The following CHRM3 variants were observed in gnomAD, a reference collection of about 807,000 sequenced individuals.
CHRM3 encodes muscarinic acetylcholine receptor M3.
In CHRM3, 11 loss-of-function variants were observed where a neutral mutation model predicts 41.8. That is an observed-to-expected ratio of 0.26 (90% CI 0.17 to 0.44). The LOEUF is 0.44. Ranked by LOEUF, CHRM3 falls within the 20% of genes least tolerant of loss-of-function variation. The probability of loss-of-function intolerance (pLI) is 1.00; values close to 1 mark genes in which losing one functional copy is unlikely to be tolerated. For synonymous variants in CHRM3, 297 were observed against 301.4 expected, an observed-to-expected ratio of 0.99 and a Z score of 0.15; for missense variants, 571 against 745.4, an observed-to-expected ratio of 0.77 and a Z score of 2.72.
chr1:239,447,239 C>T (rs193092675), intron 1 of CHRM3, among the ~76,000 whole-genome samples: 1 of 151,466 alleles, frequency 6.6e-6, no homozygotes, highest in Non-Finnish European at 1.5e-5. Context: ...TTAGAGATAA[C>T]AAAACAGGGG....
intron 5 of CHRM3, among the ~76,000 whole-genome samples, chr1:239,768,731 G>T (rs1667420546): frequency 6.6e-6 from 1 of 151,522 alleles, no homozygotes; most frequent in Non-Finnish European, 1.5e-5. Flanking sequence ...TCTCTTCTTT[G>T]CCTTACTTCT....
chr1:239,831,455 G>A (rs201149116), intron 6 of CHRM3, among the ~76,000 whole-genome samples: 46 of 152,198 alleles, frequency 3.0e-4, no homozygotes, highest in East Asian at 5.8e-4. Context: ...GGAAGGAACC[G>A]TTTTTCTTTG....
Position 239,456,279 on chromosome 1 carries a change from A to G in CHRM3, c.-520-36430A>G, listed in dbSNP as rs139477676. Among the ~76,000 whole-genome samples, 470 of 152,334 alleles carry G rather than the reference A, an allele frequency of 3.1e-3. 2 individuals are homozygous for G. Among genetic ancestry groups the G allele is most frequent in the Non-Finnish European group, 5.2e-3 (354 of 68,028 alleles). On this transcript the variant is annotated intron_variant, in intron 1 of 6. Transcript: ENST00000676153. ...ACTAACTCACCCAGAGCAACTTCCA[A>G]TCCTGCAAGCTGCGTTCGAGGTAAA...
chr1:239,580,386 T>C (rs972091628), intron 3 of CHRM3, among the ~76,000 whole-genome samples: 2 of 151,774 alleles, frequency 1.3e-5, no homozygotes, highest in Non-Finnish European at 2.9e-5. Flanking sequence ...GAGTATGCTA[T>C]TATCTAACAA....
At chr1:239,474,131 A>G (rs1050893296) in intron 1 of CHRM3, among the ~76,000 whole-genome samples, 1 of 152,098 alleles carries the variant, frequency 6.6e-6, no homozygotes, top group Non-Finnish European at 1.5e-5. Flanking sequence ...AAAATCAACC[A>G]TATAAAGATA....
chr1:239,402,996 G>A (rs984147290), intron 1 of CHRM3, among the ~76,000 whole-genome samples: 22 of 151,972 alleles, frequency 1.4e-4, no homozygotes, highest in South Asian at 6.2e-4. Flanking sequence ...TTAAATTTAC[G>A]GATGTGGAAC....
intron 1 of CHRM3, among the ~76,000 whole-genome samples, chr1:239,479,125 A>T (rs1043655464): frequency 2.6e-5 from 4 of 151,242 alleles, no homozygotes; most frequent in African/African-American, 9.7e-5. Context: ...TGGAAGTTGT[A>T]GGGAGCCAAG....
chr1:239,512,233 A>G (rs1282593230), intron 2 of CHRM3, among the ~76,000 whole-genome samples: 1 of 152,162 alleles, frequency 6.6e-6, no homozygotes, highest in Non-Finnish European at 1.5e-5. Context: ...TTGGACTGTC[A>G]AGTCCTGGTT....
intron 3 of CHRM3, among the ~76,000 whole-genome samples, chr1:239,550,206 T>C (rs1340580336): frequency 6.6e-6 from 1 of 152,158 alleles, no homozygotes; most frequent in Non-Finnish European, 1.5e-5. Context: ...TTAATCAAAC[T>C]CATGTTCTTC....
intron 5 of CHRM3, among the ~76,000 whole-genome samples, chr1:239,722,863 G>C (rs141390809): frequency 6.6e-6 from 1 of 151,692 alleles, no homozygotes; most frequent in East Asian, 1.9e-4. Context: ...ACACATTCCA[G>C]GGTAAATATG....
chr1:239,831,769 T>C (rs1181969228), intron 6 of CHRM3, among the ~76,000 whole-genome samples: 1 of 152,038 alleles, frequency 6.6e-6, no homozygotes, highest in African/African-American at 2.4e-5. Context: ...CTTTGGCCAA[T>C]AGCATCCTGG....
At chr1:239,660,592 G>T (rs890096649) in intron 4 of CHRM3, among the ~76,000 whole-genome samples, 1 of 152,098 alleles carries the variant, frequency 6.6e-6, no homozygotes, top group African/African-American at 2.4e-5. Flanking sequence ...GATAATAATA[G>T]ATTAACATGG....
chr1:239,600,372 T>G (rs1025018155), intron 3 of CHRM3, among the ~76,000 whole-genome samples: 1 of 151,928 alleles, frequency 6.6e-6, no homozygotes, highest in Non-Finnish European at 1.5e-5. Context: ...TCAGCCATAC[T>G]CCATTTCGCC....
chr1:239,878,279 T>G (rs1455730323), intron 6 of CHRM3, among the ~76,000 whole-genome samples: 1 of 152,122 alleles, frequency 6.6e-6, no homozygotes, highest in African/African-American at 2.4e-5. Context: ...CTGGGGGTGA[T>G]GCAAGACAGT....
rs559135014 is a variant in CHRM3 at position 239,526,676 on chromosome 1, C to T, written c.-421-18965C>T. Among the ~76,000 whole-genome samples the T allele has an allele frequency of 2.5e-4, 38 of 152,228 alleles. No homozygotes were observed. The South Asian group carries it at 7.0e-3, about 28-fold the overall frequency. ...TGCATAAGACTAATTTCTGGATTAG[C>T]GAAAAAGAGCTCTTTTTCATTTATC... On this transcript the variant is annotated intron_variant, in intron 2 of 6. Transcript: ENST00000676153.
intron 2 of CHRM3, among the ~76,000 whole-genome samples, chr1:239,544,965 C>A (rs1243169608): frequency 1.3e-5 from 2 of 152,150 alleles, no homozygotes; most frequent in Non-Finnish European, 2.9e-5. Context: ...TGCCTTACTC[C>A]CCTGAGTCTT....
At chr1:239,408,008 T>G (rs889243759) in intron 1 of CHRM3, among the ~76,000 whole-genome samples, 11 of 152,162 alleles carry the variant, frequency 7.2e-5, no homozygotes, top group Non-Finnish European at 1.3e-4. Flanking sequence ...GGTTTGCCTG[T>G]GTCTCCACTC....
At chr1:239,446,090 C>T (rs1287173405) in intron 1 of CHRM3, among the ~76,000 whole-genome samples, 1 of 152,090 alleles carries the variant, frequency 6.6e-6, no homozygotes, top group Non-Finnish European at 1.5e-5. Flanking sequence ...GTGTGCACCA[C>T]CACACCCGGC....
At chr1:239,804,090 T>A (rs1348967473) in intron 5 of CHRM3, among the ~76,000 whole-genome samples, 4 of 152,210 alleles carry the variant, frequency 2.6e-5, no homozygotes, top group Non-Finnish European at 2.9e-5. Context: ...ATGTCCCTTC[T>A]CAGGGAGCTT....
Sources: gnomAD v4.1 joint callset for allele counts (sites outside exome capture counted in the v4.1 genomes callset) on GRCh38, gnomAD v4.1.1 for gene constraint, MANE v1.5 for transcripts, NCBI Gene and HGNC (gene_info 2026-07-23, HGNC 2026-07-21) for gene names.